Variants in PCDHA7 observed in about 807,000 individuals in gnomAD.
PCDHA7 encodes the protein protocadherin alpha-7.
Under a neutral mutation model 57.2 loss-of-function variants are expected in PCDHA7, and 37 were observed. The ratio of observed to expected loss-of-function variants is 0.65; its 90% CI spans 0.50 to 0.85. The LOEUF (loss-of-function observed/expected upper bound fraction) is 0.85. Ranked by LOEUF, PCDHA7 falls within the 40% of genes least tolerant of loss-of-function variation. PCDHA7 has a pLI of 0.00. For synonymous variants in PCDHA7, 553 were observed against 558.8 expected, an observed-to-expected ratio of 0.99 and a Z score of 0.15; for missense variants, 1,188 against 1,241.8, an observed-to-expected ratio of 0.96 and a Z score of 0.65.
chr5:140,993,526 A>G (rs1554253825), intron 3 of PCDHA7, among the ~76,000 whole-genome samples: 1 of 147,824 alleles, frequency 6.8e-6, no homozygotes, highest in Admixed American at 6.7e-5. Flanking sequence ...AGAGAGACAG[A>G]GAGAGAGAGA....
Position 140,884,301 on chromosome 5 carries a change from C to T in PCDHA7, c.2355+47563C>T, listed in dbSNP as rs375535055. On this transcript the variant is annotated intron_variant, in intron 1 of 3. Transcript: ENST00000525929. ...GTGGAGAGCGGCCAAGCGCCACAGG[C>T]TTCGTCGAGGGCGTCGGCAGGCGCT... 4.3e-6 allele frequency: 7 copies of T among 1,613,608 alleles called. No homozygotes were observed. The African/African-American group carries it at 8.0e-5, about 18-fold the overall frequency.
chr5:140,841,689 T>C, intron 1 of PCDHA7: 1 of 1,613,616 alleles, frequency 6.2e-7, no homozygotes, highest in South Asian at 1.1e-5. Flanking sequence ...GACGTGGAGG[T>C]GAAGGATGTT....
At chr5:140,938,205 C>T (rs1435832298) in intron 1 of PCDHA7, among the ~76,000 whole-genome samples, 3 of 152,160 alleles carry the variant, frequency 2.0e-5, no homozygotes, top group Non-Finnish European at 4.4e-5. Context: ...GCCAGCCTCC[C>T]AAAGTGCTGG....
intron 1 of PCDHA7, chr5:140,869,082 T>A: frequency 6.3e-7 from 1 of 1,582,446 alleles, no homozygotes; most frequent in South Asian, 1.2e-5. Context: ...GAAGCTTATT[T>A]TGGAAGCCAA....
At chr5:141,003,680 T>C (rs1167133667) in intron 3 of PCDHA7, among the ~76,000 whole-genome samples, 1 of 152,198 alleles carries the variant, frequency 6.6e-6, no homozygotes, top group African/African-American at 2.4e-5. Flanking sequence ...GTTGTTCTGA[T>C]TTTAAAATAT....
At chr5:140,989,329 C>A (rs1554250749) in intron 3 of PCDHA7, among the ~76,000 whole-genome samples, 2 of 152,120 alleles carry the variant, frequency 1.3e-5, no homozygotes, top group African/African-American at 4.8e-5. Context: ...AACTTTGCCA[C>A]CTGACTCAGC....
intron 1 of PCDHA7, chr5:140,877,514 G>C: frequency 6.2e-7 from 1 of 1,613,764 alleles, no homozygotes; most frequent in South Asian, 1.1e-5. Context: ...ACGTCGTCGC[G>C]GGCCTCAGTG....
chr5:140,869,511 A>T (rs1160788033), intron 1 of PCDHA7: 4 of 1,614,076 alleles, frequency 2.5e-6, no homozygotes, highest in Non-Finnish European at 2.5e-6. Context: ...TCTCGCTCAG[A>T]GAACAAAAGC....
rs1197189729 is a variant in PCDHA7, at chr5:141,011,926, G to A, written c.*1989G>A. On this transcript the variant is annotated 3_prime_UTR_variant, in exon 4 of 4. Transcript: ENST00000525929. ...TTAGGCATTAATATAAAAGAGGTAG[G>A]AGTCTGTTATTTAAAAAAAGCATTA... 1 of 153,498 alleles carries A rather than the reference G, an allele frequency of 6.5e-6. No individual in the cohort carries two copies. Among genetic ancestry groups the A allele is most frequent in the African/African-American group, 2.4e-5 (1 of 41,380 alleles). 9.5% of individuals were successfully genotyped at this position (153,498 alleles called of 1,614,324 possible).
intron 1 of PCDHA7, chr5:140,869,469 G>C (rs781981842): frequency 6.2e-6 from 10 of 1,614,092 alleles, no homozygotes; most frequent in Admixed American, 1.7e-5. Flanking sequence ...TGAACGTGGA[G>C]GTGAAGGACA....
chr5:140,875,335 C>A, intron 1 of PCDHA7: 2 of 1,438,768 alleles, frequency 1.4e-6, no homozygotes, highest in East Asian at 2.5e-5. Context: ...GGAATAGGAT[C>A]GACTCCATAA....
chr5:140,966,978 G>T lies in PCDHA7; in HGVS notation c.2356-11971G>T, dbSNP rs782662616. The stretch of plus-strand genomic sequence containing the variant: ...CGCGCGCTGGGGCTTGAGCTGCGGC[G>T]CTTGGGGCCGGGTTGCTTGCGCATC... On this transcript the variant is annotated intron_variant, in intron 1 of 3. Transcript: ENST00000525929. 3.1e-6 allele frequency: 5 copies of T among 1,603,218 alleles called. No homozygotes were observed. In the African/African-American group the frequency reaches 5.3e-5, roughly 17 times the overall value.
chr5:140,883,251 T>C, intron 1 of PCDHA7: 1 of 1,614,086 alleles, frequency 6.2e-7, no homozygotes, highest in Non-Finnish European at 8.5e-7. Flanking sequence ...AAAGGAAATA[T>C]TCCAATGGCG....
At chr5:140,920,084 T>C (rs2079442648) in intron 1 of PCDHA7, among the ~76,000 whole-genome samples, 1 of 152,196 alleles carries the variant, frequency 6.6e-6, no homozygotes, top group Non-Finnish European at 1.5e-5. Context: ...AGATTCTCCG[T>C]AGAGCCTCTA....
intron 1 of PCDHA7, among the ~76,000 whole-genome samples, chr5:140,925,685 G>A (rs1584406507): frequency 7.3e-6 from 1 of 137,694 alleles, no homozygotes; most frequent in South Asian, 2.3e-4. Flanking sequence ...ATAAAGCGAG[G>A]GTGGGTATCT....
rs531996502 is a variant in PCDHA7, at chr5:140,944,251, G to A, written c.2356-34698G>A. Among the ~76,000 whole-genome samples the A allele has an allele frequency of 2.2e-4, 33 of 152,302 alleles. No individual in the cohort carries two copies. In the South Asian group the frequency reaches 6.8e-3, roughly 32 times the overall value. On this transcript the variant is annotated intron_variant, in intron 1 of 3. Transcript: ENST00000525929. ...CGCTCAGGCTGGAGTGCAGTGATGT[G>A]ATCACTGCTCACTGCAGCCTTGACA...
At chr5:140,867,449 G>A (rs1423382267) in intron 1 of PCDHA7, 3 of 152,036 alleles carry the variant, frequency 2.0e-5, no homozygotes, top group African/African-American at 7.2e-5. Context: ...CTGAATTAGA[G>A]TTCTAGTGTT....
intron 1 of PCDHA7, chr5:140,884,558 C>T: frequency 3.7e-6 from 6 of 1,614,146 alleles, no homozygotes; most frequent in Non-Finnish European, 5.1e-6. Flanking sequence ...TGGGGAGGGC[C>T]CGCATAAGAC....
At chr5:140,966,539 T>C in intron 1 of PCDHA7, 1 of 462,182 alleles carries the variant, frequency 2.2e-6, no homozygotes, top group South Asian at 5.8e-5. Flanking sequence ...GTTGAGCGAC[T>C]CGGAGGCGAG....
Sources: allele counts gnomAD v4.1 joint callset (sites outside exome capture counted in the v4.1 genomes callset), GRCh38; gene constraint gnomAD v4.1.1; transcripts MANE v1.5; gene names NCBI Gene and HGNC (gene_info 2026-07-23, HGNC 2026-07-21).